The following SPTLC2 variants were observed in gnomAD, a reference collection of about 807,000 sequenced individuals.
SPTLC2 encodes serine palmitoyltransferase long chain base subunit 2.
In SPTLC2, 21 loss-of-function variants were observed where a neutral mutation model predicts 62.0. The observed-to-expected ratio is 0.34, with a 90% CI of 0.24 to 0.49. The LOEUF (loss-of-function observed/expected upper bound fraction) is 0.49. Ranked by LOEUF, SPTLC2 falls within the 20% of genes least tolerant of loss-of-function variation. The pLI is 0.99. For missense variants in SPTLC2, 511 were observed against 713.0 expected, an observed-to-expected ratio of 0.72 and a Z score of 3.23; for synonymous variants, 261 against 261.8, an observed-to-expected ratio of 1.00 and a Z score of 0.03.
intron 2 of SPTLC2, among the ~76,000 whole-genome samples, chr14:77,594,856 T>C (rs1342205738): frequency 6.6e-6 from 1 of 152,186 alleles, no homozygotes; most frequent in East Asian, 1.9e-4. Context: ...AAAGAGTTTT[T>C]AGTTTGAATA....
At chr14:77,550,732 T>C (rs747210042) in intron 9 of SPTLC2, among the ~76,000 whole-genome samples, 1 of 151,096 alleles carries the variant, frequency 6.6e-6, no homozygotes, top group Non-Finnish European at 1.5e-5. Context: ...TGAAACCCCA[T>C]CTCTACAAAA....
At chr14:77,556,845 T>C (rs2079586895) in intron 7 of SPTLC2, among the ~76,000 whole-genome samples, 196 bp downstream of exon 7, 1 of 152,250 alleles carries the variant, frequency 6.6e-6, no homozygotes, top group Non-Finnish European at 1.5e-5. Context: ...CCATGTAGTA[T>C]TATGGAAAGA....
intron 1 of SPTLC2, among the ~76,000 whole-genome samples, chr14:77,601,272 T>C (rs896922263): frequency 3.9e-5 from 6 of 152,140 alleles, no homozygotes; most frequent in Non-Finnish European, 5.9e-5. Context: ...CATTCCATCA[T>C]TGTGATTTGT....
At chr14:77,589,171 C>A (rs2079800899) in intron 2 of SPTLC2, among the ~76,000 whole-genome samples, 1 of 152,020 alleles carries the variant, frequency 6.6e-6, no homozygotes, top group Non-Finnish European at 1.5e-5. Context: ...CAGACTACAA[C>A]TTTTAAACCT....
At chr14:77,579,818 T>G (rs2079737915) in intron 2 of SPTLC2, among the ~76,000 whole-genome samples, 1 of 152,190 alleles carries the variant, frequency 6.6e-6, no homozygotes, top group Non-Finnish European at 1.5e-5. Flanking sequence ...ACAACTCTTA[T>G]CAGATAAAAG....
chr14:77,545,449 A>G (rs4903603), intron 9 of SPTLC2, among the ~76,000 whole-genome samples: 24,382 of 152,012 alleles, frequency 0.16, 2,213 homozygotes, highest in Middle Eastern at 0.27. Context: ...TTTGTATTTC[A>G]GTAGAGACAG....
intron 2 of SPTLC2, among the ~76,000 whole-genome samples, chr14:77,591,687 C>T (rs2079817335): frequency 4.0e-5 from 4 of 98,990 alleles, no homozygotes; most frequent in South Asian, 3.9e-4. Context: ...CTAAGTAGTG[C>T]TCTTCTGTAT....
At chr14:77,579,651 C>A (rs1402478183) in intron 2 of SPTLC2, among the ~76,000 whole-genome samples, 2 of 152,000 alleles carry the variant, frequency 1.3e-5, no homozygotes, top group African/African-American at 4.8e-5. Flanking sequence ...GAGGCTGAGG[C>A]AGGGAGATCC....
At chr14:77,573,325 A>G (rs1343310012) in intron 4 of SPTLC2, among the ~76,000 whole-genome samples, 3 of 152,160 alleles carry the variant, frequency 2.0e-5, no homozygotes, top group Non-Finnish European at 2.9e-5. Flanking sequence ...AAATAGCTAG[A>G]CGAGAGGACT....
chr14:77,577,015 A>C, intron 3 of SPTLC2, 100 bp from the exon 4 acceptor site: 4 of 1,364,344 alleles, frequency 2.9e-6, no homozygotes, highest in Non-Finnish European at 4.1e-6. Flanking sequence ...AGAGAGAACA[A>C]AGTCTATATT....
intron 9 of SPTLC2, among the ~76,000 whole-genome samples, chr14:77,538,366 C>T (rs547937717): frequency 6.6e-6 from 1 of 152,296 alleles, no homozygotes; most frequent in African/African-American, 2.4e-5. Context: ...CTGTCTCTAC[C>T]TGAGCTAATT....
intron 3 of SPTLC2, among the ~76,000 whole-genome samples, chr14:77,578,152 T>C (rs2079727408): frequency 6.6e-6 from 1 of 151,588 alleles, no homozygotes; most frequent in Non-Finnish European, 1.5e-5. Flanking sequence ...CTCAAATAAA[T>C]GAATAAGTAA....
chr14:77,591,882 C>T (rs1206612021), intron 2 of SPTLC2, among the ~76,000 whole-genome samples: 3 of 151,974 alleles, frequency 2.0e-5, no homozygotes, highest in Non-Finnish European at 4.4e-5. Context: ...TGCCACCACG[C>T]CCCAGATAAT....
At chr14:77,564,331 T>G (rs1412260241) in intron 5 of SPTLC2, among the ~76,000 whole-genome samples, 14 of 134,934 alleles carry the variant, frequency 1.0e-4, no homozygotes, top group East Asian at 6.7e-4. Flanking sequence ...AGAAGGAGAA[T>G]AAGGAAAAGG....
chr14:77,573,714 G>A (rs2079697548), intron 4 of SPTLC2, among the ~76,000 whole-genome samples: 1 of 150,470 alleles, frequency 6.6e-6, no homozygotes, highest in Non-Finnish European at 1.5e-5. Context: ...TGCAACTTCT[G>A]CCTCACAGGT....
chr14:77,556,211 T>G (rs1258895839), intron 7 of SPTLC2, among the ~76,000 whole-genome samples: 1 of 151,870 alleles, frequency 6.6e-6, no homozygotes, highest in African/African-American at 2.4e-5. Context: ...TAATCCCAGC[T>G]ACTCGGGAGG....
At chr14:77,530,181 A>G (rs75705336) in intron 9 of SPTLC2, among the ~76,000 whole-genome samples, 152 of 152,284 alleles carry the variant, frequency 1.0e-3, no homozygotes, top group African/African-American at 3.4e-3. Flanking sequence ...ATCATTTCCA[A>G]GAACTCCAAA....
chr14:77,576,046 C>A (rs1428633331), intron 4 of SPTLC2, among the ~76,000 whole-genome samples: 1 of 152,206 alleles, frequency 6.6e-6, no homozygotes, highest in African/African-American at 2.4e-5. Context: ...GTGAGAGGAA[C>A]CTTGGGTAAG....
chr14:77,578,333 T>C (rs903281569), intron 3 of SPTLC2, among the ~76,000 whole-genome samples: 85 of 151,146 alleles, frequency 5.6e-4, no homozygotes, highest in African/African-American at 1.9e-3. Context: ...GGATAGCTTT[T>C]CTTTTTTTTT....
Sources: allele counts gnomAD v4.1 joint callset (sites outside exome capture counted in the v4.1 genomes callset), GRCh38; gene constraint gnomAD v4.1.1; transcripts MANE v1.5; gene names NCBI Gene and HGNC (gene_info 2026-07-23, HGNC 2026-07-21).